WDR70: variants seen among roughly 807,000 people sequenced by gnomAD.
The protein encoded by WDR70 is WD repeat-containing protein 70.
In WDR70, 53 loss-of-function variants were observed where a neutral mutation model predicts 88.6. The ratio of observed to expected loss-of-function variants is 0.60; its 90% CI spans 0.48 to 0.75. The LOEUF (loss-of-function observed/expected upper bound fraction) is 0.75, where lower values mean the gene tolerates loss of function less well. Among genes scored for constraint, WDR70 ranks in the 30% least tolerant of loss-of-function variants. WDR70 has a pLI of 0.00. For synonymous variants in WDR70, 280 were observed against 270.0 expected (o/e 1.04, Z -0.36); for missense variants, 610 against 823.2 (o/e 0.74, Z 3.17).
Position 37,721,231 on chromosome 5 carries a change from T to C in WDR70, c.1517+16T>C. 6.2e-7 allele frequency: 1 copy of C among 1,610,246 alleles called. No homozygotes were observed. On this transcript the variant is annotated intron_variant, in intron 14 of 17. Coordinates refer to ENST00000265107, the MANE Select transcript of WDR70 (RefSeq NM_018034.4). ...AGAGTCAGAGGTATTTCATAAGTAT[T>C]GCCTGTTTTAGATGGATGACAACAA...
rs572601333 is a variant in WDR70, at chr5:37,600,859, A to G, written c.918-4205A>G. Reference sequence around the variant, plus strand: ...GTTGGAAAGTTCCATAAAATAGCAAACATTTTGTAACTGACAACTTTCCTG... The same window carrying G: ...GTTGGAAAGTTCCATAAAATAGCAAGCATTTTGTAACTGACAACTTTCCTG... On this transcript the variant is annotated intron_variant, in intron 9 of 17. Coordinates refer to ENST00000265107, the MANE Select transcript of WDR70 (RefSeq NM_018034.4). Among the ~76,000 whole-genome samples, 4 of 152,308 alleles carry G rather than the reference A, an allele frequency of 2.6e-5. No individual in the cohort carries two copies. In the South Asian group the frequency reaches 8.3e-4, roughly 32 times the overall value.
At position 37,479,887 on chromosome 5, in the gene WDR70, T is replaced by C. The variant is rs1174752513; in HGVS notation, c.740T>C (p.Val247Ala). Residue 247 changes from valine (V) to alanine (A), a missense_variant, in exon 8 of 18, where the codon GTA (valine) becomes GCA (alanine). Physicochemically the swap from Val to Ala is moderately conservative, Grantham distance 64. This residue lies in a region of WDR70 where 83 missense variants were observed against 155.3 expected (regional missense o/e 0.53). Coordinates refer to ENST00000265107, the MANE Select transcript of WDR70 (RefSeq NM_018034.4). ...YSNTGDMILV[V>A]SGSSQAKVID... ...AACACAGGAGACATGATTCTTGTTG[T>C]ATCTGGAAGCTCTCAGGCCAAGGTG... 4 of 1,614,170 alleles carry C rather than the reference T, an allele frequency of 2.5e-6. No homozygotes were observed. Among genetic ancestry groups the C allele is most frequent in the Admixed American group, 1.7e-5 (1 of 60,026 alleles).
At chr5:37,526,174 C>A (rs1293649919) in intron 9 of WDR70, among the ~76,000 whole-genome samples, 1 of 151,994 alleles carries the variant, frequency 6.6e-6, no homozygotes, top group African/African-American at 2.4e-5. Flanking sequence ...GGCAGAGACA[C>A]AACAAAAAAA....
intron 10 of WDR70, among the ~76,000 whole-genome samples, chr5:37,668,969 A>G (rs1225685879): frequency 6.6e-6 from 1 of 152,192 alleles, no homozygotes; most frequent in East Asian, 1.9e-4. Context: ...TTGTAAATGC[A>G]CACTCTCTTT....
At position 37,464,887 on chromosome 5, in the gene WDR70, TCTC is replaced by T. The variant is rs1247689341; in HGVS notation, c.687-14943_687-14941del. On this transcript the variant is annotated intron_variant, in intron 7 of 17. Transcript: ENST00000265107. ...AAGACTCTTGGAAAGAAGAGGAAAA[TCTC>T]CTCTTACAATGTCGATCTAACATCA... Among the ~76,000 whole-genome samples, 11 of 151,946 alleles carry T rather than the reference TCTC, an allele frequency of 7.2e-5. No homozygotes were observed. The South Asian group carries it at 1.7e-3, about 23-fold the overall frequency.
chr5:37,722,934 C>T lies in WDR70; in HGVS notation c.1597C>T (p.Pro533Ser). ...ETLTQDYIIT[P>S]HALPMFREPR... Reference sequence around the variant, plus strand: ...TCTAACTCAGGACTACATCATCACCCGTAAGTCGTTAACATGCCTCTCAAT... The same window carrying T: ...TCTAACTCAGGACTACATCATCACCTGTAAGTCGTTAACATGCCTCTCAAT... Residue 533 changes from proline to serine, a missense_variant and splice_region_variant, in exon 15 of 18, where the codon CCT becomes TCT. This residue lies in a region of WDR70 where 254 missense variants were observed against 300.7 expected (regional missense o/e 0.84). Coordinates refer to ENST00000265107, the MANE Select transcript of WDR70 (RefSeq NM_018034.4). 1 of 1,613,436 alleles carries T rather than the reference C, an allele frequency of 6.2e-7. No homozygotes were observed. The highest frequency in any genetic ancestry group is 8.5e-7 in the Non-Finnish European group (1 of 1,179,558).
intron 9 of WDR70, among the ~76,000 whole-genome samples, chr5:37,570,898 T>C (rs1742881330): frequency 6.6e-6 from 1 of 152,188 alleles, no homozygotes. Flanking sequence ...GCAAAATTAT[T>C]TTCTTGCCCT....
intron 10 of WDR70, among the ~76,000 whole-genome samples, chr5:37,677,851 T>C (rs1343529802): frequency 3.9e-5 from 6 of 152,200 alleles, no homozygotes; most frequent in Non-Finnish European, 1.5e-5. Flanking sequence ...CTCCCATTAT[T>C]ATTGTGTGGG....
At chr5:37,513,002 A>G (rs1002610122) in intron 8 of WDR70, among the ~76,000 whole-genome samples, 3 of 152,172 alleles carry the variant, frequency 2.0e-5, no homozygotes, top group Non-Finnish European at 2.9e-5. Context: ...TACAGGGTAG[A>G]TAGTTATCTG....
chr5:37,382,972 C>T (rs932372607), intron 3 of WDR70, among the ~76,000 whole-genome samples: 4 of 151,550 alleles, frequency 2.6e-5, no homozygotes, highest in Non-Finnish European at 5.9e-5. Context: ...GAGATCGCAC[C>T]ATTGCACTCC....
chr5:37,506,147 G>A lies in WDR70; in HGVS notation c.841-10367G>A, dbSNP rs1740553243. 4.7e-6 allele frequency: 5 copies of A among 1,059,912 alleles called. No homozygotes were observed. The East Asian group carries it at 9.4e-5, about 20-fold the overall frequency. 65.7% of individuals were successfully genotyped at this position (1,059,912 alleles called of 1,614,324 possible). A position where few individuals can be genotyped will look rare whatever the true frequency, so the allele number is the denominator to read the frequency against. ...TTAAATTGGCCATTTTGAAGTTAAT[G>A]TATCGAAGGTCCTAACGAGAAACAT... On this transcript the variant is annotated intron_variant, in intron 8 of 17. Transcript: ENST00000265107.
chr5:37,635,931 C>G (rs1042427885), intron 10 of WDR70, among the ~76,000 whole-genome samples: 15 of 152,168 alleles, frequency 9.9e-5, no homozygotes, highest in East Asian at 1.9e-4. Flanking sequence ...GCTTTCCCCC[C>G]TCTTCACACG....
chr5:37,718,451 C>T (rs1022891499), intron 13 of WDR70, among the ~76,000 whole-genome samples: 2 of 152,144 alleles, frequency 1.3e-5, no homozygotes, highest in Non-Finnish European at 2.9e-5. Context: ...GACTGCTGAG[C>T]CAGACCTCTA....
intron 9 of WDR70, among the ~76,000 whole-genome samples, chr5:37,551,910 T>TA: frequency 6.6e-6 from 1 of 151,394 alleles, no homozygotes; most frequent in African/African-American, 2.4e-5. Flanking sequence ...TAGTTGGAAT[T>TA]ACAGGCGCCC....
chr5:37,499,162 G>A (rs1468019612), intron 8 of WDR70, among the ~76,000 whole-genome samples: 1 of 150,932 alleles, frequency 6.6e-6, no homozygotes, highest in Non-Finnish European at 1.5e-5. Context: ...CACCCAGGCT[G>A]GAGTACAGTG....
intron 10 of WDR70, among the ~76,000 whole-genome samples, chr5:37,609,380 T>C (rs569480708): frequency 6.6e-6 from 1 of 152,358 alleles, no homozygotes; most frequent in South Asian, 2.1e-4. Context: ...GATTTATTCT[T>C]TGACTTTGCA....
rs543047326 is a variant in WDR70 at position 37,624,206 on chromosome 5, C to T, written c.1092+18968C>T. ...ACAAATCTCTTTCTAACCCTCCCTT[C>T]CCTCTACCCTTCTCAGCCTCTAGTA... On this transcript the variant is annotated intron_variant, in intron 10 of 17. Transcript: ENST00000265107. Among the ~76,000 whole-genome samples, 5 of 152,280 alleles carry T rather than the reference C, an allele frequency of 3.3e-5. No individual in the cohort carries two copies. The South Asian group carries it at 1.0e-3, about 32-fold the overall frequency.
chr5:37,571,979 A>G (rs1263840877), intron 9 of WDR70, among the ~76,000 whole-genome samples: 2 of 152,134 alleles, frequency 1.3e-5, no homozygotes, highest in Admixed American at 1.3e-4. Flanking sequence ...TAACAGGAGC[A>G]AGGACCTGCT....
intron 6 of WDR70, among the ~76,000 whole-genome samples, chr5:37,438,446 ATT>A (rs1217994453): frequency 1.3e-5 from 2 of 152,082 alleles, no homozygotes; most frequent in African/African-American, 4.8e-5. Context: ...GCATGTTTAT[ATT>A]GTTATATTTA....
Sources: allele counts gnomAD v4.1 joint callset (sites outside exome capture counted in the v4.1 genomes callset), GRCh38; gene constraint gnomAD v4.1.1; regional missense constraint gnomAD v4.1.1; transcripts MANE v1.5; gene names NCBI Gene and HGNC (gene_info 2026-07-23, HGNC 2026-07-21).